UBE2H: variants seen among roughly 807,000 people sequenced by gnomAD.
The protein encoded by UBE2H is ubiquitin conjugating enzyme E2 H, also known as ubiquitin-conjugating enzyme E2 H.
Under a neutral mutation model 29.0 loss-of-function variants are expected in UBE2H, and 3 were observed. The observed-to-expected ratio is 0.10, with a 90% CI of 0.05 to 0.27. The LOEUF (loss-of-function observed/expected upper bound fraction) is 0.27, where lower values mean the gene tolerates loss of function less well. UBE2H is among the 10% of genes least tolerant of loss of function. UBE2H has a pLI of 1.00. For synonymous variants in UBE2H, 69 were observed against 82.9 expected (o/e 0.83, Z 0.91); for missense variants, 68 against 228.2 (o/e 0.30, Z 4.52).
At chr7:129,938,318 G>T (rs183269182) in intron 1 of UBE2H, among the ~76,000 whole-genome samples, 1 of 147,610 alleles carries the variant, frequency 6.8e-6, no homozygotes, top group Non-Finnish European at 1.5e-5. Flanking sequence ...GGGATGAGGC[G>T]GGATTGCTTT....
At chr7:129,918,790 A>G (rs1807095098) in intron 1 of UBE2H, among the ~76,000 whole-genome samples, 1 of 152,200 alleles carries the variant, frequency 6.6e-6, no homozygotes, top group South Asian at 2.1e-4. Flanking sequence ...TGTAAGAAAG[A>G]AAAGAAAGAA....
At chr7:129,936,404 C>T (rs1807528501) in intron 1 of UBE2H, among the ~76,000 whole-genome samples, 1 of 151,756 alleles carries the variant, frequency 6.6e-6, no homozygotes, top group Non-Finnish European at 1.5e-5. Context: ...ACCATCCTGG[C>T]TAACATGGTG....
At chr7:129,868,407 C>A (rs1447132566) in intron 3 of UBE2H, among the ~76,000 whole-genome samples, 1 of 148,716 alleles carries the variant, frequency 6.7e-6, no homozygotes, top group African/African-American at 2.5e-5. Flanking sequence ...GGTGAAACCC[C>A]GTCTCTACTA....
intron 6 of UBE2H, among the ~76,000 whole-genome samples, chr7:129,836,764 C>T (rs1404257274): frequency 6.6e-6 from 1 of 151,652 alleles, no homozygotes; most frequent in African/African-American, 2.4e-5. Flanking sequence ...CCTGTAATCC[C>T]AGCTACTCGG....
At chr7:129,937,621 G>C (rs1037764422) in intron 1 of UBE2H, among the ~76,000 whole-genome samples, 1 of 152,134 alleles carries the variant, frequency 6.6e-6, no homozygotes, top group Admixed American at 6.5e-5. Flanking sequence ...TCACATATAT[G>C]GCATTTGATA....
rs1006261618 is a variant in UBE2H, at chr7:129,887,712, C to A, written c.54-6741G>T. 5.9e-5 allele frequency among the ~76,000 whole-genome samples: 8 copies of A among 135,678 alleles called. 1 individual carries two copies. In the South Asian group the frequency reaches 1.3e-3, roughly 22 times the overall value. The allele number at this position is 135,678 out of a possible 152,430, so 89.0% of individuals were successfully genotyped here. On this transcript the variant is annotated intron_variant, in intron 1 of 6. Coordinates refer to ENST00000355621, the MANE Select transcript of UBE2H (RefSeq NM_003344.4). ...GTCGGGAGTTTGAGACCAGCCTGAC[C>A]AGCATGGAGAAACCCCGTCCCTACT... is the stretch of plus-strand genomic sequence containing the variant.
chr7:129,868,600 A>G (rs1584754623), intron 3 of UBE2H, among the ~76,000 whole-genome samples: 9 of 149,388 alleles, frequency 6.0e-5, no homozygotes, highest in African/African-American at 2.3e-4. Context: ...AAAAAAAAAA[A>G]AAAAAAAAAA....
At chr7:129,852,739 T>G (rs146301433) in intron 5 of UBE2H, among the ~76,000 whole-genome samples, 173 of 152,252 alleles carry the variant, frequency 1.1e-3, no homozygotes, top group African/African-American at 3.7e-3. Context: ...TTGTTTGTTT[T>G]TTTGAGATGG....
intron 1 of UBE2H, among the ~76,000 whole-genome samples, chr7:129,900,632 T>A (rs576557152): frequency 1.3e-5 from 2 of 152,326 alleles, no homozygotes; most frequent in Admixed American, 1.3e-4. Flanking sequence ...AATTTTTTTT[T>A]ATTATACTTT....
chr7:129,874,983 C>T (rs1806118711), intron 3 of UBE2H, among the ~76,000 whole-genome samples: 1 of 152,156 alleles, frequency 6.6e-6, no homozygotes, highest in African/African-American at 2.4e-5. Flanking sequence ...CTGGGAAACA[C>T]GTGGGTTAGG....
intron 5 of UBE2H, among the ~76,000 whole-genome samples, chr7:129,854,065 T>TTTTTTTTTTTTTATTTATTTA (rs1235829126): frequency 6.7e-6 from 1 of 148,770 alleles, no homozygotes; most frequent in Non-Finnish European, 1.5e-5. Context: ...TGTTAGTTTT[T>TTTTTTTTTTTTTATTTATTTA]TTTTTTTTTT....
At chr7:129,886,500 T>TA (rs1381886618) in intron 1 of UBE2H, among the ~76,000 whole-genome samples, 1 of 152,020 alleles carries the variant, frequency 6.6e-6, no homozygotes, top group Non-Finnish European at 1.5e-5. Flanking sequence ...GGACTGACAA[T>TA]AACAGGTCAA....
chr7:129,843,376 T>C (rs1272557068), intron 5 of UBE2H, among the ~76,000 whole-genome samples: 1 of 152,094 alleles, frequency 6.6e-6, no homozygotes. Flanking sequence ...TCTTCCATGG[T>C]CTGCATATAC....
chr7:129,936,832 G>T (rs1441730112), intron 1 of UBE2H, among the ~76,000 whole-genome samples: 3 of 146,034 alleles, frequency 2.1e-5, no homozygotes, highest in Non-Finnish European at 4.5e-5. Flanking sequence ...AAAAAAGTTA[G>T]CCAGGTGTGG....
chr7:129,921,841 C>T (rs931733835), intron 1 of UBE2H, among the ~76,000 whole-genome samples: 1 of 152,038 alleles, frequency 6.6e-6, no homozygotes, highest in East Asian at 1.9e-4. Flanking sequence ...AAAATACAGG[C>T]TTTCTTTCTT....
intron 1 of UBE2H, among the ~76,000 whole-genome samples, chr7:129,883,694 T>C (rs1047370238): frequency 1.3e-5 from 2 of 152,034 alleles, no homozygotes; most frequent in Non-Finnish European, 2.9e-5. Context: ...ACACAAAAAT[T>C]AGCTGGGCGT....
intron 5 of UBE2H, chr7:129,839,592 A>G: frequency 2.7e-6 from 1 of 374,772 alleles, no homozygotes; most frequent in Non-Finnish European, 4.8e-6. Flanking sequence ...ATTCTATTTC[A>G]CTCTATTTAT....
chr7:129,893,233 T>C (rs964190548), intron 1 of UBE2H, among the ~76,000 whole-genome samples: 2 of 152,186 alleles, frequency 1.3e-5, no homozygotes, highest in Non-Finnish European at 2.9e-5. Flanking sequence ...ATGCTTCATT[T>C]AGAGTTTCTA....
intron 6 of UBE2H, among the ~76,000 whole-genome samples, chr7:129,836,549 T>G (rs1334891972): frequency 6.6e-6 from 1 of 152,144 alleles, no homozygotes; most frequent in African/African-American, 2.4e-5. Flanking sequence ...TTTGTTTTGT[T>G]GAAAGTAAGT....
Sources: gnomAD v4.1 joint callset for allele counts (sites outside exome capture counted in the v4.1 genomes callset) on GRCh38, gnomAD v4.1.1 for gene constraint, MANE v1.5 for transcripts, NCBI Gene and HGNC (gene_info 2026-07-23, HGNC 2026-07-21) for gene names.